NXNL2: variants seen among roughly 807,000 people sequenced by gnomAD.
NXNL2 encodes the protein nucleoredoxin like 2.
In NXNL2, 7 loss-of-function variants were observed where a neutral mutation model predicts 11.1. The ratio of observed to expected loss-of-function variants is 0.63; its 90% confidence interval spans 0.36 to 1.18. The LOEUF (loss-of-function observed/expected upper bound fraction) is 1.18. Among genes scored for constraint, NXNL2 ranks in the 50% most tolerant of loss-of-function variants. The pLI is 0.02. For missense variants in NXNL2, 233 were observed against 217.7 expected (o/e 1.07, Z -0.44); for synonymous variants, 109 against 101.8 (o/e 1.07, Z -0.42).
intron 1 of NXNL2, among the ~76,000 whole-genome samples, chr9:88,543,786 A>G (rs946686659): frequency 6.6e-6 from 1 of 152,242 alleles, no homozygotes; most frequent in Admixed American, 6.5e-5. Flanking sequence ...TCTCCCAGCC[A>G]TACGTGGCTG....
At chr9:88,566,995 T>TCTACCTATCTATCTAC (rs1554706803) in intron 1 of NXNL2, among the ~76,000 whole-genome samples, 1 of 150,282 alleles carries the variant, frequency 6.7e-6, no homozygotes, top group East Asian at 2.0e-4. Context: ...TATCTATCTA[T>TCTACCTATCTATCTAC]CTATCTATCT....
downstream of NXNL2, among the ~76,000 whole-genome samples, chr9:88,578,632 C>T (rs935785276): frequency 6.6e-6 from 1 of 152,224 alleles, no homozygotes; most frequent in African/African-American, 2.4e-5. Flanking sequence ...CAGGAGCCGC[C>T]GGCCCGGCCT....
At chr9:88,548,945 G>A (rs114154476), downstream of NXNL2, among the ~76,000 whole-genome samples, 1,110 of 152,230 alleles carry the variant, frequency 7.3e-3, 9 homozygotes, top group African/African-American at 0.025. Flanking sequence ...AGGACACAGT[G>A]AGCAGATGCC....
At chr9:88,579,225 C>T (rs757737477), downstream of NXNL2, among the ~76,000 whole-genome samples, 19 of 152,198 alleles carry the variant, frequency 1.2e-4, no homozygotes, top group Non-Finnish European at 2.2e-4. Context: ...CTGATCTTGA[C>T]TTTCTCAGCA....
chr9:88,541,341 A>C lies in NXNL2; in HGVS notation c.303-3038A>C, dbSNP rs572185333. Among the ~76,000 whole-genome samples, 280 of 151,786 alleles carry C rather than the reference A, an allele frequency of 1.8e-3. 2 individuals carry two copies. Among genetic ancestry groups the C allele is most frequent in the African/African-American group, 6.3e-3 (259 of 41,350 alleles). On this transcript the variant is annotated intron_variant, in intron 1 of 1. Transcript: ENST00000375854. Reference sequence around the variant, plus strand: ...AGTGGTGTGATCACAGCTCCCTGCAACCTCAAACTCCTGGGTTCAAGCAAT... The same window carrying C: ...AGTGGTGTGATCACAGCTCCCTGCACCCTCAAACTCCTGGGTTCAAGCAAT...
chr9:88,570,111 A>T (rs1830238692), intron 1 of NXNL2, among the ~76,000 whole-genome samples: 1 of 150,792 alleles, frequency 6.6e-6, no homozygotes, highest in Admixed American at 6.6e-5. Flanking sequence ...TAATTAATTA[A>T]TTTTTTTATT....
At chr9:88,569,795 G>C (rs895369298) in intron 1 of NXNL2, among the ~76,000 whole-genome samples, 9 of 151,990 alleles carry the variant, frequency 5.9e-5, no homozygotes, top group Non-Finnish European at 1.3e-4. Context: ...CATTCCTGTG[G>C]GATAAATTCT....
downstream of NXNL2, among the ~76,000 whole-genome samples, chr9:88,580,663 C>T (rs368434809): frequency 7.2e-5 from 11 of 152,334 alleles, no homozygotes; most frequent in African/African-American, 2.6e-4. Context: ...TTACACCTCA[C>T]ATAATTATGT....
At chr9:88,552,079 C>T (rs1321244487) in intron 1 of NXNL2, among the ~76,000 whole-genome samples, 1 of 152,154 alleles carries the variant, frequency 6.6e-6, no homozygotes, top group Non-Finnish European at 1.5e-5. Flanking sequence ...TTCAAGGGGG[C>T]TTCTGGAGCC....
Position 88,544,640 on chromosome 9 carries a change from G to A in NXNL2, c.*93G>A. ...AGCATGTTGGGTTCCTTCCTCTGTT[G>A]GTGTGATTTCATTGTATTTCAGAGC... On this transcript the variant is annotated 3_prime_UTR_variant, in exon 2 of 2. Coordinates refer to ENST00000375854, the MANE Select transcript of NXNL2 (RefSeq NM_001161625.2). The A allele has an allele frequency of 7.0e-7, 1 of 1,438,458 alleles. No individual in the cohort carries two copies. Among genetic ancestry groups the A allele is most frequent in the Non-Finnish European group, 9.1e-7 (1 of 1,093,670 alleles). 89.1% of individuals were successfully genotyped at this position (1,438,458 alleles called of 1,614,324 possible).
At chr9:88,563,774 G>A (rs76811610) in intron 1 of NXNL2, among the ~76,000 whole-genome samples, 2,188 of 151,982 alleles carry the variant, frequency 0.014, 50 homozygotes, top group African/African-American at 0.049. Context: ...GCGTTCTCTC[G>A]GGAGCATCCT....
At chr9:88,562,909 G>A (rs976499966) in intron 1 of NXNL2, among the ~76,000 whole-genome samples, 2 of 152,056 alleles carry the variant, frequency 1.3e-5, no homozygotes, top group African/African-American at 4.8e-5. Flanking sequence ...CCAACATGGT[G>A]AAACCCTGTT....
chr9:88,535,922 G>A (rs1489628684), intron 1 of NXNL2, among the ~76,000 whole-genome samples, 186 bp downstream of exon 1: 1 of 152,082 alleles, frequency 6.6e-6, no homozygotes, highest in African/African-American at 2.4e-5. Flanking sequence ...TGGAGACCAG[G>A]GAGGGTGCAG....
chr9:88,562,351 C>G (rs1191142953), intron 1 of NXNL2, among the ~76,000 whole-genome samples: 3 of 152,056 alleles, frequency 2.0e-5, no homozygotes, highest in Non-Finnish European at 1.5e-5. Flanking sequence ...TGCTCTGCAT[C>G]TCCATCTAGG....
chr9:88,579,613 C>T (rs1205362870), downstream of NXNL2, among the ~76,000 whole-genome samples: 3 of 152,194 alleles, frequency 2.0e-5, no homozygotes. Flanking sequence ...GCCAAGGAGA[C>T]TGAATATGCT....
Position 88,537,300 on chromosome 9 carries a change from G to A in NXNL2, c.302+1564G>A, listed in dbSNP as rs1475555828. On this transcript the variant is annotated intron_variant, in intron 1 of 1. Coordinates refer to ENST00000375854, the MANE Select transcript of NXNL2 (RefSeq NM_001161625.2). ...TGCCGTGCCCTACTTCCTCACTGAG[G>A]GGGTGGTGAGTCTTGGTCCCCAGCG... Among the ~76,000 whole-genome samples, 6 of 152,230 alleles carry A rather than the reference G, an allele frequency of 3.9e-5. No homozygotes were observed. In the South Asian group the frequency reaches 1.2e-3, roughly 32 times the overall value.
At chr9:88,543,967 C>T (rs915362769) in intron 1 of NXNL2, among the ~76,000 whole-genome samples, 5 of 152,130 alleles carry the variant, frequency 3.3e-5, no homozygotes, top group Non-Finnish European at 7.4e-5. Context: ...GCCCGGAGGT[C>T]GAGGCCAGTC....
rs115300517 is a variant in NXNL2, at chr9:88,573,413, C to T, written c.*17-1674C>T. Among the ~76,000 whole-genome samples, 226 of 152,246 alleles carry T rather than the reference C, an allele frequency of 1.5e-3. 1 individual carries two copies. The highest frequency in any genetic ancestry group is 4.8e-3 in the African/African-American group (198 of 41,536). On this transcript the variant is annotated intron_variant, in intron 2 of 2. Transcript: ENST00000375855. Reference sequence around the variant, plus strand: ...CCTGCCTCAGCCTTCCAAAGTGCTGCGATTACACGCATGAGCCACTGTGCC... The same window carrying T: ...CCTGCCTCAGCCTTCCAAAGTGCTGTGATTACACGCATGAGCCACTGTGCC...
chr9:88,578,353 G>A (rs1268695298), downstream of NXNL2, among the ~76,000 whole-genome samples: 1 of 152,212 alleles, frequency 6.6e-6, no homozygotes, highest in Non-Finnish European at 1.5e-5. Flanking sequence ...AGTGGTCCGT[G>A]ACACCTGGTC....
Sources: gnomAD v4.1 joint callset for allele counts (sites outside exome capture counted in the v4.1 genomes callset) on GRCh38, gnomAD v4.1.1 for gene constraint, MANE v1.5 for transcripts, NCBI Gene and HGNC (gene_info 2026-07-23, HGNC 2026-07-21) for gene names.